CALN1: variants seen among roughly 807,000 people sequenced by gnomAD.
The protein encoded by CALN1 is calcium-binding protein 8.
CALN1 carries 17 observed loss-of-function variants against 30.6 expected under a neutral mutation model. The ratio of observed to expected loss-of-function variants is 0.56; its 90% CI spans 0.38 to 0.83. The LOEUF (loss-of-function observed/expected upper bound fraction) is 0.83, where lower values mean the gene tolerates loss of function less well. CALN1 is among the 40% of genes least tolerant of loss of function. The pLI is 0.00. For synonymous variants in CALN1, 156 were observed against 131.4 expected (o/e 1.19, Z -1.28); for missense variants, 291 against 354.9 (o/e 0.82, Z 1.45).
intron 1 of CALN1, among the ~76,000 whole-genome samples, chr7:72,408,962 G>A (rs1806904426): frequency 6.6e-6 from 1 of 151,926 alleles, no homozygotes; most frequent in Non-Finnish European, 1.5e-5. Flanking sequence ...GCAGGTGTGA[G>A]CCACCACACC....
At chr7:71,914,285 ATAAG>A (rs1461777846) in intron 5 of CALN1, among the ~76,000 whole-genome samples, 1 of 152,110 alleles carries the variant, frequency 6.6e-6, no homozygotes, top group Non-Finnish European at 1.5e-5. Context: ...CCTCCCACTT[ATAAG>A]TAAGAACATG....
At chr7:72,487,894 G>GAA in the CALN1 span, among the ~76,000 whole-genome samples, 1 of 55,724 alleles carries the variant, frequency 1.8e-5, no homozygotes, top group Non-Finnish European at 3.3e-5. Flanking sequence ...GAAAAGAAAA[G>GAA]AAAGAAAGAA....
At chr7:71,849,436 A>ATT (rs3063933) in intron 5 of CALN1, among the ~76,000 whole-genome samples, 70,248 of 140,090 alleles carry the variant, frequency 0.5, 18,334 homozygotes, top group Middle Eastern at 0.62. Context: ...GGATCTTCCT[A>ATT]TTTTTTTTTT....
intron 5 of CALN1, among the ~76,000 whole-genome samples, chr7:71,834,244 C>CA (rs61210762): frequency 8.0e-4 from 81 of 100,690 alleles, no homozygotes; most frequent in African/African-American, 2.7e-3. Context: ...AAAAAACCAA[C>CA]AAAAAAAAAC....
intron 5 of CALN1, among the ~76,000 whole-genome samples, chr7:71,930,510 G>A (rs1377423930): frequency 6.6e-6 from 1 of 152,170 alleles, no homozygotes; most frequent in Non-Finnish European, 1.5e-5. Flanking sequence ...ACCCCATGGT[G>A]TGAGTTGTCT....
intron 1 of CALN1, among the ~76,000 whole-genome samples, chr7:72,433,803 G>A (rs1808055243): frequency 6.6e-6 from 1 of 152,134 alleles, no homozygotes; most frequent in Admixed American, 6.6e-5. Context: ...AGTGGATCAC[G>A]ACTGCAATCC....
chr7:72,088,568 G>T (rs1221402799), intron 4 of CALN1, among the ~76,000 whole-genome samples: 1 of 151,718 alleles, frequency 6.6e-6, no homozygotes, highest in Non-Finnish European at 1.5e-5. Flanking sequence ...GCATGGTGAC[G>T]CGTGCCTGTA....
intron 6 of CALN1, among the ~76,000 whole-genome samples, chr7:71,792,450 T>C (rs1308612878): frequency 2.6e-5 from 4 of 152,018 alleles, no homozygotes; most frequent in Non-Finnish European, 5.9e-5. Context: ...TGGCTCAGCT[T>C]TCTTCTTGCC....
At chr7:71,818,113 G>A (rs1332076345) in intron 5 of CALN1, among the ~76,000 whole-genome samples, 1 of 152,118 alleles carries the variant, frequency 6.6e-6, no homozygotes, top group Non-Finnish European at 1.5e-5. Context: ...TTGAAACCAA[G>A]CAAATGAGTC....
At chr7:71,976,698 ATTC>A (rs1443749807) in intron 5 of CALN1, among the ~76,000 whole-genome samples, 8 of 152,220 alleles carry the variant, frequency 5.3e-5, no homozygotes, top group African/African-American at 9.6e-5. Context: ...GTGAATGGAA[ATTC>A]TTGAGTCTGC....
intron 3 of CALN1, among the ~76,000 whole-genome samples, chr7:72,246,752 A>ATTTT (rs1795190943): frequency 1.5e-5 from 1 of 66,450 alleles, no homozygotes; most frequent in African/African-American, 6.2e-5. Context: ...CTACCAGAAC[A>ATTTT]ATTTTTTTTT....
intron 2 of CALN1, among the ~76,000 whole-genome samples, chr7:72,279,486 C>T (rs1003624075): frequency 2.0e-5 from 3 of 152,224 alleles, no homozygotes; most frequent in African/African-American, 7.2e-5. Flanking sequence ...AGGTGTCCCA[C>T]AACGAAGCTA....
At chr7:72,066,516 G>T (rs1024117894) in intron 4 of CALN1, among the ~76,000 whole-genome samples, 1 of 151,554 alleles carries the variant, frequency 6.6e-6, no homozygotes, top group South Asian at 2.1e-4. Flanking sequence ...TGATAAAAGT[G>T]AATGTTTCCA....
chr7:72,017,170 TAAAAAAAAAAAA>T (rs58672373), intron 5 of CALN1, among the ~76,000 whole-genome samples: 6 of 88,120 alleles, frequency 6.8e-5, no homozygotes, highest in African/African-American at 2.2e-4. Context: ...TCTCAAAAAT[TAAAAAAAAAAAA>T]AAAAAAAAAG....
At chr7:72,301,889 A>G (rs1262925117) in intron 2 of CALN1, among the ~76,000 whole-genome samples, 1 of 152,190 alleles carries the variant, frequency 6.6e-6, no homozygotes, top group Non-Finnish European at 1.5e-5. Flanking sequence ...CAATGACCAA[A>G]CAAGGATTGC....
chr7:72,409,492 T>C (rs543504759), intron 1 of CALN1, among the ~76,000 whole-genome samples: 25 of 147,194 alleles, frequency 1.7e-4, no homozygotes, highest in Non-Finnish European at 2.8e-4. Flanking sequence ...ATATGGATAG[T>C]CTGAGTGGAC....
intron 5 of CALN1, among the ~76,000 whole-genome samples, chr7:72,007,220 G>C (rs1799819248): frequency 6.6e-6 from 1 of 152,216 alleles, no homozygotes; most frequent in East Asian, 1.9e-4. Flanking sequence ...TCTGGCCGGG[G>C]AACATAAGTA....
intron 2 of CALN1, among the ~76,000 whole-genome samples, chr7:72,309,514 G>T (rs1216934755): frequency 1.3e-5 from 2 of 152,068 alleles, no homozygotes; most frequent in East Asian, 1.9e-4. Flanking sequence ...GGGGAGGGGG[G>T]CTCACAAGGG....
chr7:72,487,882 AAGAAAAGAAAAGAAAG>A, the CALN1 span, among the ~76,000 whole-genome samples: 5 of 64,994 alleles, frequency 7.7e-5, no homozygotes, highest in African/African-American at 4.3e-4. Context: ...GAAAGAAAGA[AAGAAAAGAAAAGAAAG>A]AAAGAAAGAA....
Sources: gnomAD v4.1 joint callset for allele counts (sites outside exome capture counted in the v4.1 genomes callset) on GRCh38, gnomAD v4.1.1 for gene constraint, MANE v1.5 for transcripts, NCBI Gene and HGNC (gene_info 2026-07-23, HGNC 2026-07-21) for gene names.